LINGO2: variants seen among roughly 807,000 people sequenced by gnomAD.
The protein encoded by LINGO2 is leucine rich repeat and Ig domain containing 2, also known as leucine-rich repeat and immunoglobulin-like domain-containing nogo receptor-interacting protein 2.
In LINGO2, 14 loss-of-function variants were observed where a neutral mutation model predicts 30.6. The ratio of observed to expected loss-of-function variants is 0.46; its 90% CI spans 0.30 to 0.72. LINGO2 has a LOEUF of 0.72. Among genes scored for constraint, LINGO2 ranks in the 30% least tolerant of loss-of-function variants. LINGO2 has a pLI of 0.07. For missense variants in LINGO2, 729 were observed against 751.7 expected (o/e 0.97, Z 0.35); for synonymous variants, 317 against 288.5 (o/e 1.10, Z -1.00).
intron 1 of LINGO2, among the ~76,000 whole-genome samples, chr9:28,562,470 A>AC (rs918367851): frequency 2.0e-5 from 3 of 150,804 alleles, no homozygotes; most frequent in African/African-American, 7.3e-5. Context: ...AAAAAAAAAA[A>AC]AAAAACAGAA....
At position 28,010,270 on chromosome 9, in the gene LINGO2, T is replaced by A. The variant is rs571735755; in HGVS notation, c.-36+2085A>T. Among the ~76,000 whole-genome samples, 3 of 152,348 alleles carry A rather than the reference T, an allele frequency of 2.0e-5. No individual in the cohort carries two copies. In the East Asian group the frequency reaches 5.8e-4, roughly 29 times the overall value. On this transcript the variant is annotated intron_variant, in intron 5 of 5. Coordinates refer to ENST00000379992, the Ensembl canonical transcript of LINGO2. ...AAATTTTAGCATTAAATTTTCTTTT[T>A]AATTACAAAATTTAAGTATAACTGA...
chr9:28,410,848 T>C (rs1822732776), intron 2 of LINGO2, among the ~76,000 whole-genome samples: 1 of 152,092 alleles, frequency 6.6e-6, no homozygotes, highest in African/African-American at 2.4e-5. Flanking sequence ...AGGCAAAAAT[T>C]TCAACATGTT....
chr9:28,962,239 A>G, the LINGO2 span, among the ~76,000 whole-genome samples: 65 of 152,244 alleles, frequency 4.3e-4, no homozygotes, highest in Admixed American at 1.5e-3. Flanking sequence ...TAAATCAGTC[A>G]ATCCTCATGA....
intron 1 of LINGO2, among the ~76,000 whole-genome samples, chr9:28,571,446 G>A (rs774375223): frequency 8.6e-5 from 13 of 151,922 alleles, no homozygotes; most frequent in African/African-American, 2.2e-4. Context: ...AATAATTATC[G>A]TTATCACATG....
intron 1 of LINGO2, among the ~76,000 whole-genome samples, chr9:28,614,399 A>G (rs1184921925): frequency 1.6e-4 from 24 of 152,162 alleles, no homozygotes; most frequent in Admixed American, 1.6e-3. Context: ...TTAAATGTAT[A>G]AAGTCCATTT....
At chr9:28,809,875 C>T in the LINGO2 span, among the ~76,000 whole-genome samples, 1 of 151,682 alleles carries the variant, frequency 6.6e-6, no homozygotes. Flanking sequence ...TATTTCAGTT[C>T]CGAAAACACT....
At chr9:28,211,340 T>A (rs1820585674) in intron 4 of LINGO2, among the ~76,000 whole-genome samples, 1 of 150,802 alleles carries the variant, frequency 6.6e-6, no homozygotes, top group South Asian at 2.1e-4. Flanking sequence ...CATTGAGTTA[T>A]AAATATAATC....
intron 4 of LINGO2, among the ~76,000 whole-genome samples, chr9:28,043,865 G>C (rs1824301806): frequency 6.6e-6 from 1 of 152,122 alleles, no homozygotes. Context: ...CTATAATCAA[G>C]TATCCGTTTA....
intron 1 of LINGO2, among the ~76,000 whole-genome samples, chr9:28,495,898 G>T (rs1435457096): frequency 6.6e-6 from 1 of 152,090 alleles, no homozygotes; most frequent in African/African-American, 2.4e-5. Flanking sequence ...CTTTATTTCT[G>T]CCTTAATTTC....
intron 1 of LINGO2, among the ~76,000 whole-genome samples, chr9:28,520,303 A>G (rs1400700676): frequency 6.6e-6 from 1 of 152,160 alleles, no homozygotes; most frequent in Non-Finnish European, 1.5e-5. Flanking sequence ...GTTTTTAAGT[A>G]GGTGACATCA....
intron 4 of LINGO2, among the ~76,000 whole-genome samples, chr9:28,227,485 G>A (rs918773315): frequency 5.9e-5 from 9 of 152,024 alleles, no homozygotes; most frequent in Non-Finnish European, 1.3e-4. Context: ...TCTCTAAAAT[G>A]GAAATGCAGA....
chr9:28,237,178 T>C (rs1821604263), intron 4 of LINGO2, among the ~76,000 whole-genome samples: 2 of 152,142 alleles, frequency 1.3e-5, no homozygotes, highest in Admixed American at 1.3e-4. Flanking sequence ...GTTTGTTTGT[T>C]TGTTTATGCA....
chr9:29,138,139 C>G, the LINGO2 span, among the ~76,000 whole-genome samples: 1 of 151,880 alleles, frequency 6.6e-6, no homozygotes, highest in Admixed American at 6.6e-5. Flanking sequence ...CAGTCTCAAT[C>G]AAACAGTACT....
intron 1 of LINGO2, among the ~76,000 whole-genome samples, chr9:28,669,197 C>A (rs1828920281): frequency 6.6e-6 from 1 of 152,038 alleles, no homozygotes; most frequent in African/African-American, 2.4e-5. Context: ...ATGTATTCAC[C>A]ATTCCTACCT....
chr9:28,167,320 G>A (rs1458380483), intron 4 of LINGO2, among the ~76,000 whole-genome samples: 1 of 148,990 alleles, frequency 6.7e-6, no homozygotes, highest in African/African-American at 2.5e-5. Flanking sequence ...GATCCTCCTT[G>A]GGCTTACCTT....
At chr9:28,421,269 GA>G (rs1004345506) in intron 2 of LINGO2, among the ~76,000 whole-genome samples, 9 of 151,220 alleles carry the variant, frequency 6.0e-5, no homozygotes, top group South Asian at 4.2e-4. Context: ...AAACATTGCT[GA>G]AAAAAATAAA....
At chr9:28,950,969 T>G in the LINGO2 span, among the ~76,000 whole-genome samples, 2 of 152,168 alleles carry the variant, frequency 1.3e-5, no homozygotes, top group African/African-American at 4.8e-5. Flanking sequence ...GCTGGAGGCA[T>G]CATGCTACCT....
intron 5 of LINGO2, among the ~76,000 whole-genome samples, chr9:28,000,178 A>G (rs1009689265): frequency 2.6e-5 from 4 of 152,190 alleles, no homozygotes; most frequent in African/African-American, 9.6e-5. Flanking sequence ...TATTGTATTA[A>G]ATTATGAGAG....
intron 3 of LINGO2, among the ~76,000 whole-genome samples, chr9:28,308,701 C>A (rs918269770): frequency 6.6e-6 from 1 of 150,610 alleles, no homozygotes; most frequent in African/African-American, 2.4e-5. Context: ...GGGCTAATAT[C>A]CAGAATCTAC....
Sources: gnomAD v4.1 joint callset for allele counts (sites outside exome capture counted in the v4.1 genomes callset) on GRCh38, gnomAD v4.1.1 for gene constraint, MANE v1.5 for transcripts, NCBI Gene and HGNC (gene_info 2026-07-23, HGNC 2026-07-21) for gene names.